The following ANO3 variants were observed in gnomAD, a reference collection of about 807,000 sequenced individuals.
ANO3 encodes the protein anoctamin 3, also known as anoctamin-3.
Under a neutral mutation model 144.8 loss-of-function variants are expected in ANO3, and 99 were observed. The observed-to-expected ratio is 0.68, with a 90% CI of 0.58 to 0.81. The LOEUF (loss-of-function observed/expected upper bound fraction) is 0.81. Among genes scored for constraint, ANO3 ranks in the 30% least tolerant of loss-of-function variants. The probability of loss-of-function intolerance (pLI) is 0.00; values close to 1 mark genes in which losing one functional copy is unlikely to be tolerated. For missense variants in ANO3, 905 were observed against 1,202.2 expected, an observed-to-expected ratio of 0.75 and a Z score of 3.66; for synonymous variants, 414 against 392.6, an observed-to-expected ratio of 1.05 and a Z score of -0.64.
At chr11:26,367,049 G>A (rs1442601223) in intron 1 of ANO3, among the ~76,000 whole-genome samples, 1 of 152,168 alleles carries the variant, frequency 6.6e-6, no homozygotes, top group Non-Finnish European at 1.5e-5. Context: ...AAACTGGCTA[G>A]CCATATGTAG....
intron 17 of ANO3, among the ~76,000 whole-genome samples, chr11:26,620,946 T>G (rs1852397640): frequency 6.6e-6 from 1 of 152,222 alleles, no homozygotes. Flanking sequence ...TTTAGTTTGT[T>G]CATGTCTATG....
chr11:26,633,276 A>AG (rs1362498637), intron 18 of ANO3, among the ~76,000 whole-genome samples: 2 of 152,168 alleles, frequency 1.3e-5, no homozygotes, highest in Non-Finnish European at 2.9e-5. Flanking sequence ...ATAAAACCAT[A>AG]AGATGTTAGA....
At chr11:26,387,684 C>A (rs959194112) in intron 1 of ANO3, among the ~76,000 whole-genome samples, 3 of 152,010 alleles carry the variant, frequency 2.0e-5, no homozygotes, top group Non-Finnish European at 4.4e-5. Flanking sequence ...TTAGTAGAGG[C>A]CTCTTTCCTT....
chr11:26,544,740 T>C (rs940107368), intron 11 of ANO3, among the ~76,000 whole-genome samples: 4 of 151,928 alleles, frequency 2.6e-5, no homozygotes, highest in East Asian at 1.9e-4. Flanking sequence ...ACAGAAAGTA[T>C]AAGTTCTCAT....
intron 14 of ANO3, among the ~76,000 whole-genome samples, chr11:26,589,271 A>G (rs1361844984): frequency 6.6e-6 from 1 of 152,210 alleles, no homozygotes; most frequent in Non-Finnish European, 1.5e-5. Context: ...TGAATTTAAA[A>G]CATATGTGAG....
intron 14 of ANO3, among the ~76,000 whole-genome samples, chr11:26,564,783 A>ATCTGAGTT: frequency 9.9e-6 from 1 of 100,714 alleles, no homozygotes; most frequent in Non-Finnish European, 2.0e-5. Flanking sequence ...ATATATATAT[A>ATCTGAGTT]TAAGTTCAGT....
At chr11:26,559,539 G>A in intron 13 of ANO3, 180 bp from the exon 14 acceptor site, 1 of 570,226 alleles carries the variant, frequency 1.8e-6, no homozygotes, top group Non-Finnish European at 3.1e-6. Flanking sequence ...CTCTCCCCAT[G>A]AGAAAAATCA....
intron 5 of ANO3, among the ~76,000 whole-genome samples, chr11:26,510,710 G>A (rs927599931): frequency 2.0e-5 from 3 of 152,196 alleles, no homozygotes; most frequent in Admixed American, 2.0e-4. Flanking sequence ...CAGTATAGGA[G>A]TCAGACATGA....
At chr11:26,412,115 A>G (rs1485458821) in intron 1 of ANO3, among the ~76,000 whole-genome samples, 2 of 152,190 alleles carry the variant, frequency 1.3e-5, no homozygotes, top group South Asian at 2.1e-4. Context: ...TTATAGAGAA[A>G]TAAGAGAGTT....
intron 1 of ANO3, among the ~76,000 whole-genome samples, chr11:26,199,371 T>C (rs1265445614): frequency 6.6e-6 from 1 of 152,174 alleles, no homozygotes; most frequent in Admixed American, 6.6e-5. Context: ...GAGGAGGAGC[T>C]GCTTAATCTT....
At chr11:26,503,794 T>A (rs909228817) in intron 4 of ANO3, among the ~76,000 whole-genome samples, 1 of 152,190 alleles carries the variant, frequency 6.6e-6, no homozygotes, top group Admixed American at 6.5e-5. Context: ...TTTACTTAGC[T>A]TAGAATCAGA....
intron 1 of ANO3, among the ~76,000 whole-genome samples, chr11:26,190,778 G>A (rs1348843291): frequency 6.6e-6 from 1 of 152,104 alleles, no homozygotes; most frequent in Non-Finnish European, 1.5e-5. Context: ...TTCCAGAGAT[G>A]CATACTATGA....
At chr11:26,602,166 G>A (rs10767556) in intron 17 of ANO3, among the ~76,000 whole-genome samples, 106,434 of 152,018 alleles carry the variant, frequency 0.7, 38,347 homozygotes, top group East Asian at 0.84. Context: ...TCAACCCACA[G>A]ATGGACAGAA....
intron 1 of ANO3, among the ~76,000 whole-genome samples, chr11:26,285,493 C>T (rs1415089567): frequency 6.6e-6 from 1 of 152,004 alleles, no homozygotes; most frequent in East Asian, 1.9e-4. Context: ...AAACATGGTC[C>T]GTGAATCTCT....
chr11:26,430,905 A>G (rs984720495), intron 1 of ANO3, among the ~76,000 whole-genome samples: 3 of 152,232 alleles, frequency 2.0e-5, no homozygotes, highest in Admixed American at 1.3e-4. Flanking sequence ...TGCACCCACA[A>G]TCAAGACCAT....
At chr11:26,488,740 T>A (rs558995566) in intron 4 of ANO3, among the ~76,000 whole-genome samples, 292 of 152,306 alleles carry the variant, frequency 1.9e-3, no homozygotes, top group Non-Finnish European at 2.6e-3. Context: ...GTAAAGGTAG[T>A]GTGGACCCAA....
intron 4 of ANO3, among the ~76,000 whole-genome samples, chr11:26,487,431 A>G (rs914607286): frequency 2.6e-5 from 4 of 152,208 alleles, no homozygotes; most frequent in African/African-American, 9.7e-5. Context: ...TGCCTTTATC[A>G]GCAGTTCGAA....
At chr11:26,566,858 A>G (rs1446478796) in intron 14 of ANO3, among the ~76,000 whole-genome samples, 2 of 151,952 alleles carry the variant, frequency 1.3e-5, no homozygotes, top group Non-Finnish European at 2.9e-5. Flanking sequence ...TTGCTTTATC[A>G]TCATTATAAT....
chr11:26,578,744 A>G (rs575987790), intron 14 of ANO3, among the ~76,000 whole-genome samples: 1 of 152,136 alleles, frequency 6.6e-6, no homozygotes, highest in South Asian at 2.1e-4. Flanking sequence ...ATAGAGGCCT[A>G]TTGCTAAAAT....
Sources: allele counts gnomAD v4.1 joint callset (sites outside exome capture counted in the v4.1 genomes callset), GRCh38; gene constraint gnomAD v4.1.1; transcripts MANE v1.5; gene names NCBI Gene and HGNC (gene_info 2026-07-23, HGNC 2026-07-21).